TP73: variants seen among roughly 807,000 people sequenced by gnomAD.
The protein encoded by TP73 is p53-like transcription factor.
A neutral mutation model predicts 62.5 loss-of-function variants in TP73; 25 were observed. The observed-to-expected ratio is 0.40, with a 90% CI of 0.29 to 0.56. TP73 has a LOEUF of 0.56. Among genes scored for constraint, TP73 ranks in the 20% least tolerant of loss-of-function variants. TP73 has a pLI of 0.46. For synonymous variants in TP73, 423 were observed against 377.5 expected, an observed-to-expected ratio of 1.12 and a Z score of -1.40; for missense variants, 754 against 913.3, an observed-to-expected ratio of 0.83 and a Z score of 2.25.
chr1:3,716,329 G>A (rs1009286027), intron 4 of TP73, among the ~76,000 whole-genome samples: 3 of 152,188 alleles, frequency 2.0e-5, no homozygotes, highest in African/African-American at 7.2e-5. Flanking sequence ...CTTGGGCAGC[G>A]CTGGGCCTGG....
Position 3,699,072 on chromosome 1 carries a change from G to A in TP73, c.187-8477G>A, listed in dbSNP as rs1270378638. 6.6e-6 allele frequency among the ~76,000 whole-genome samples: 1 copy of A among 152,136 alleles called. No individual in the cohort carries two copies. The highest frequency in any genetic ancestry group is 1.5e-5 in the Non-Finnish European group (1 of 68,010). On this transcript the variant is annotated intron_variant, in intron 3 of 13. Coordinates refer to ENST00000378295, the MANE Select transcript of TP73 (RefSeq NM_005427.4). The surrounding 1 kb of genome is among the most constrained non-coding windows in gnomAD (Gnocchi z 4.1). The stretch of plus-strand genomic sequence containing the variant: ...GTGGGTGAGAGCACAGGGTGCTGTG[G>A]GTGAGAGCAGAGGGTGCTGTGGATG...
intron 3 of TP73, among the ~76,000 whole-genome samples, chr1:3,688,533 G>A (rs1885872): frequency 0.86 from 131,376 of 152,128 alleles, 57,420 homozygotes; most frequent in Non-Finnish European, 0.94. Flanking sequence ...CGGAATCCCC[G>A]GTGAGTCAGA....
intron 3 of TP73, among the ~76,000 whole-genome samples, chr1:3,691,372 G>T (rs1280424381): frequency 6.6e-6 from 1 of 152,134 alleles, no homozygotes; most frequent in Non-Finnish European, 1.5e-5. Context: ...TCCTGGGCTT[G>T]GGTGTGAAGC....
intron 3 of TP73, among the ~76,000 whole-genome samples, chr1:3,684,099 G>T (rs1208999256): frequency 6.6e-6 from 1 of 152,240 alleles, no homozygotes; most frequent in Non-Finnish European, 1.5e-5. Flanking sequence ...GTGCCGGGAG[G>T]TGGATGGCAG....
intron 3 of TP73, among the ~76,000 whole-genome samples, chr1:3,688,742 T>C (rs1044251041): frequency 2.6e-5 from 4 of 152,162 alleles, no homozygotes; most frequent in Non-Finnish European, 5.9e-5. Context: ...TGGAAACGTG[T>C]AGCTCAGCCG....
chr1:3,727,323 C>A, intron 7 of TP73, 99 bp downstream of exon 7: 1 of 1,230,682 alleles, frequency 8.1e-7, no homozygotes, highest in Non-Finnish European at 1.2e-6. Context: ...CCAAGGCTAG[C>A]TTGGGGAAGA....
intron 3 of TP73, among the ~76,000 whole-genome samples, chr1:3,690,193 C>T (rs1645775058): frequency 6.6e-6 from 1 of 152,186 alleles, no homozygotes; most frequent in African/African-American, 2.4e-5. Context: ...AAGGCAGGCC[C>T]CACAAGAGCT....
In TP73 at chr1:3,723,103, CAG is replaced by C. The variant is rs551647077; in HGVS notation, c.617-250_617-249del. On this transcript the variant is annotated intron_variant, in intron 5 of 13. Coordinates refer to ENST00000378295, the MANE Select transcript of TP73 (RefSeq NM_005427.4). ...CTGGGCTGGGCACCTCTGCACCTAA[CAG>C]GGGTGGGCACCTTTGCAGGTGGCAC... Among the ~76,000 whole-genome samples the C allele has an allele frequency of 7.1e-4, 106 of 149,016 alleles. No homozygotes were observed. In the South Asian group the frequency reaches 0.012, roughly 18 times the overall value.
chr1:3,672,390 G>A lies in TP73; in HGVS notation c.-33-9943G>A, dbSNP rs1438360592. Among the ~76,000 whole-genome samples the A allele has an allele frequency of 6.6e-6, 1 of 152,148 alleles. No homozygotes were observed. The highest frequency in any genetic ancestry group is 1.5e-5 in the Non-Finnish European group (1 of 68,018). ...GGTGTGATCCCTTGGGGTAGAAAGG[G>A]GGTGTGAGAGGAGGATCGGAGGGGG... On this transcript the variant is annotated intron_variant, in intron 1 of 13. Transcript: ENST00000378295. The surrounding 1 kb of genome is among the most constrained non-coding windows in gnomAD (Gnocchi z 5.3).
At chr1:3,698,074 C>T (rs1638829399) in intron 3 of TP73, 1 of 985,574 alleles carries the variant, frequency 1.0e-6, no homozygotes, top group African/African-American at 1.7e-5. Context: ...TCCAGGAAGC[C>T]CTGCTAAGCA....
chr1:3,732,165 C>T (rs1000732167), intron 13 of TP73, among the ~76,000 whole-genome samples: 3 of 152,220 alleles, frequency 2.0e-5, no homozygotes, highest in South Asian at 4.1e-4. Flanking sequence ...CAGCCAGTGC[C>T]GCGGCCCAGG....
At chr1:3,711,221 C>T (rs905150072) in intron 4 of TP73, among the ~76,000 whole-genome samples, 1 of 152,224 alleles carries the variant, frequency 6.6e-6, no homozygotes, top group African/African-American at 2.4e-5. Context: ...GGGAGCGCTC[C>T]ACACACGTGA....
intron 1 of TP73, among the ~76,000 whole-genome samples, chr1:3,681,466 G>A (rs966529583): frequency 3.9e-5 from 6 of 152,178 alleles, no homozygotes; most frequent in African/African-American, 1.4e-4. Context: ...GGTTCTCAGG[G>A]GAGCAATGGT....
intron 1 of TP73, among the ~76,000 whole-genome samples, chr1:3,658,137 G>T (rs1276656181): frequency 6.6e-6 from 1 of 152,230 alleles, no homozygotes; most frequent in Non-Finnish European, 1.5e-5. Flanking sequence ...CAGAGCAAGG[G>T]CACGGAAGGC....
chr1:3,727,007 C>T (rs1197442803), intron 6 of TP73, 108 bp from the exon 7 acceptor site: 1 of 863,186 alleles, frequency 1.2e-6, no homozygotes, highest in Non-Finnish European at 1.8e-6. Context: ...GCAGGGCATC[C>T]CCCTGCCTAC....
chr1:3,708,157 T>A (rs1639831520), intron 4 of TP73: 1 of 316,432 alleles, frequency 3.2e-6, no homozygotes, highest in Admixed American at 4.4e-5. Context: ...TGCCAAGAGT[T>A]GTCTGTCCGA....
intron 6 of TP73, among the ~76,000 whole-genome samples, chr1:3,724,036 G>A (rs867714031): frequency 6.6e-6 from 1 of 152,158 alleles, no homozygotes; most frequent in African/African-American, 2.4e-5. Context: ...ACGTGGGTGG[G>A]GGGTGCAGGG....
intron 1 of TP73, among the ~76,000 whole-genome samples, chr1:3,682,017 G>A (rs1645534698): frequency 6.6e-6 from 1 of 152,214 alleles, no homozygotes; most frequent in African/African-American, 2.4e-5. Context: ...CCCCAGGAGC[G>A]GGTGTTGCTG....
At chr1:3,707,991 G>A (rs920442059) in intron 4 of TP73, 200 bp downstream of exon 4, 25 of 816,742 alleles carry the variant, frequency 3.1e-5, no homozygotes, top group Non-Finnish European at 3.9e-5. Context: ...CCCTCTAGAC[G>A]TGAGTGGCCA....
Sources: gnomAD v4.1 joint callset for allele counts (sites outside exome capture counted in the v4.1 genomes callset) on GRCh38, gnomAD v4.1.1 for gene constraint, Gnocchi (gnomAD v3.1) non-coding constraint, MANE v1.5 for transcripts, NCBI Gene and HGNC (gene_info 2026-07-23, HGNC 2026-07-21) for gene names.